Variants in TXNL4A observed in about 807,000 individuals in gnomAD.
TXNL4A encodes the protein thioredoxin like 4A.
A neutral mutation model predicts 14.6 loss-of-function variants in TXNL4A; 17 were observed. That is an observed-to-expected ratio of 1.16 (90% CI 0.80 to 1.74). The LOEUF (loss-of-function observed/expected upper bound fraction) is 1.74, where lower values mean the gene tolerates loss of function less well. Ranked by LOEUF, TXNL4A falls within the 40% of genes most tolerant of loss-of-function variation. The pLI is 0.00. For missense variants in TXNL4A, 74 were observed against 195.2 expected (o/e 0.38, Z 3.70); for synonymous variants, 83 against 70.6 (o/e 1.18, Z -0.88).
chr18:79,991,898 G>A (rs187629587), upstream of TXNL4A, among the ~76,000 whole-genome samples: 1 of 152,260 alleles, frequency 6.6e-6, no homozygotes, highest in Non-Finnish European at 1.5e-5. Flanking sequence ...CGAGGTGGTC[G>A]GGGCACAGCT....
chr18:80,000,754 A>G (rs951753542), intron 1 of TXNL4A, among the ~76,000 whole-genome samples: 2 of 152,114 alleles, frequency 1.3e-5, no homozygotes, highest in African/African-American at 4.8e-5. Context: ...CCTGGGTTCA[A>G]GCAATTCTCC....
intron 1 of TXNL4A, among the ~76,000 whole-genome samples, chr18:79,996,811 C>T (rs554943027): frequency 9.3e-4 from 141 of 152,242 alleles, no homozygotes; most frequent in Non-Finnish European, 1.9e-3. Context: ...GGCGTGGTAG[C>T]GCATGCCTGT....
intron 1 of TXNL4A, among the ~76,000 whole-genome samples, chr18:80,005,890 G>GT (rs1407935931): frequency 8.5e-5 from 13 of 152,118 alleles, no homozygotes; most frequent in African/African-American, 3.1e-4. Flanking sequence ...TCCAGCCTGG[G>GT]TGACAGAGCA....
At chr18:80,026,295 G>A (rs1371601906) in intron 1 of TXNL4A, among the ~76,000 whole-genome samples, 3 of 152,188 alleles carry the variant, frequency 2.0e-5, no homozygotes, top group African/African-American at 2.4e-5. Context: ...ATCAGCCCCA[G>A]ACAGGTTTTT....
chr18:80,023,245 T>C (rs1183703690), intron 1 of TXNL4A, among the ~76,000 whole-genome samples: 3 of 152,248 alleles, frequency 2.0e-5, no homozygotes, highest in Admixed American at 1.3e-4. Flanking sequence ...TTAGGATAGC[T>C]TCCTCCTGGC....
At chr18:80,022,579 C>T (rs1448624073) in intron 1 of TXNL4A, among the ~76,000 whole-genome samples, 1 of 152,164 alleles carries the variant, frequency 6.6e-6, no homozygotes, top group Non-Finnish European at 1.5e-5. Flanking sequence ...AGAATATACG[C>T]CACTTTCTCT....
At chr18:80,002,322 C>T (rs2051703394) in intron 1 of TXNL4A, among the ~76,000 whole-genome samples, 1 of 152,176 alleles carries the variant, frequency 6.6e-6, no homozygotes, top group South Asian at 2.1e-4. Context: ...TAGGTGCATG[C>T]TGATGAGAAT....
chr18:80,015,589 T>C (rs1167803651), intron 1 of TXNL4A, among the ~76,000 whole-genome samples: 2 of 150,848 alleles, frequency 1.3e-5, no homozygotes, highest in African/African-American at 4.9e-5. Context: ...TTAATTCCCA[T>C]CTATAAGTGA....
At chr18:79,988,710 T>G, upstream of TXNL4A, 1 of 199,794 alleles carries the variant, frequency 5.0e-6, no homozygotes, top group Non-Finnish European at 1.0e-5. Flanking sequence ...GGAGCGCCGT[T>G]GGTTCCGTCA....
chr18:80,000,608 C>G (rs2051692337), intron 1 of TXNL4A, among the ~76,000 whole-genome samples: 1 of 152,156 alleles, frequency 6.6e-6, no homozygotes, highest in South Asian at 2.1e-4. Flanking sequence ...AAATTCAAGA[C>G]AGTTGCAGAA....
chr18:80,021,368 G>A (rs372230849), intron 1 of TXNL4A, among the ~76,000 whole-genome samples: 9 of 152,082 alleles, frequency 5.9e-5, no homozygotes, highest in African/African-American at 1.9e-4. Flanking sequence ...TAGTGGAGAC[G>A]GGGTTTCACT....
chr18:79,977,603 G>A lies in TXNL4A; in HGVS notation c.252C>T (p.Phe84=), dbSNP rs755478919. The change falls in exon 2 of 3, where the codon TTC becomes TTT. Residue 84 remains phenylalanine, a synonymous_variant. Coordinates refer to ENST00000269601, the MANE Select transcript of TXNL4A (RefSeq NM_006701.5). Reference sequence around the variant, plus strand: ...ACAACTTTAAGATAACGTACCTGAAGAAAAACATGACAGTACATGGATCGT... The same window carrying A: ...ACAACTTTAAGATAACGTACCTGAAAAAAAACATGACAGTACATGGATCGT... ...ELYDPCTVMF[F]FRNKHIMIDL... 1.6e-5 allele frequency: 25 copies of A among 1,600,982 alleles called. No individual in the cohort carries two copies. Among genetic ancestry groups the A allele is most frequent in the African/African-American group, 2.7e-5 (2 of 74,022 alleles).
In TXNL4A at chr18:79,971,741, G is replaced by A. The variant is rs1469662036; in HGVS notation, c.*1944C>T. The A allele has an allele frequency of 1.3e-5, 2 of 152,174 alleles. No individual in the cohort carries two copies. Among genetic ancestry groups the A allele is most frequent in the Non-Finnish European group, 2.9e-5 (2 of 68,046 alleles). The allele number at this position is 152,174 out of a possible 1,614,324, so 9.4% of individuals were successfully genotyped here. ...TGCAAACGCTTGTTGCGATCTTTTT[G>A]TATCTAGCCGAACTTGTAGGTGTGA... On this transcript the variant is annotated 3_prime_UTR_variant, in exon 3 of 3. Coordinates refer to ENST00000269601, the MANE Select transcript of TXNL4A (RefSeq NM_006701.5).
chr18:79,984,168 A>G (rs1001746137), intron 1 of TXNL4A, among the ~76,000 whole-genome samples: 3 of 152,206 alleles, frequency 2.0e-5, no homozygotes, highest in African/African-American at 7.2e-5. Context: ...TTCCTCATCT[A>G]GCTGAGTGTT....
chr18:80,003,667 T>C (rs997807160), intron 1 of TXNL4A, among the ~76,000 whole-genome samples: 7 of 152,180 alleles, frequency 4.6e-5, no homozygotes, highest in African/African-American at 1.7e-4. Flanking sequence ...CATTATTTTA[T>C]TGGAGATGGT....
At chr18:80,025,138 T>TA (rs1462071896) in intron 1 of TXNL4A, among the ~76,000 whole-genome samples, 2 of 152,134 alleles carry the variant, frequency 1.3e-5, no homozygotes, top group Non-Finnish European at 2.9e-5. Flanking sequence ...AGAACCAGGA[T>TA]AAAAAATGCA....
chr18:79,971,320 C>T lies in TXNL4A; in HGVS notation c.*2365G>A, dbSNP rs1371717389. On this transcript the variant is annotated 3_prime_UTR_variant, in exon 3 of 3. Coordinates refer to ENST00000269601, the MANE Select transcript of TXNL4A (RefSeq NM_006701.5). ...GAAACTGCTGGGTCAAATGGTAACA[C>T]CATGTTTATCTTTTTTTATTTTTTT... 1 of 152,212 alleles carries T rather than the reference C, an allele frequency of 6.6e-6. No homozygotes were observed. Among genetic ancestry groups the T allele is most frequent in the Non-Finnish European group, 1.5e-5 (1 of 68,076 alleles). The allele number at this position is 152,212 out of a possible 1,614,324, so 9.4% of individuals were successfully genotyped here. A position where few individuals can be genotyped will look rare whatever the true frequency, so the allele number is the denominator to read the frequency against.
At chr18:79,997,947 G>A (rs181031689) in intron 1 of TXNL4A, among the ~76,000 whole-genome samples, 1 of 152,266 alleles carries the variant, frequency 6.6e-6, no homozygotes, top group East Asian at 1.9e-4. Context: ...CCCAATGCCT[G>A]TTACTAATAA....
At chr18:80,029,118 G>A (rs8092040) in intron 1 of TXNL4A, among the ~76,000 whole-genome samples, 70,533 of 151,950 alleles carry the variant, frequency 0.46, 17,142 homozygotes, top group East Asian at 0.75. Flanking sequence ...CTTTTCTCCC[G>A]AAACTGAAAT....
Sources: gnomAD v4.1 joint callset for allele counts (sites outside exome capture counted in the v4.1 genomes callset) on GRCh38, gnomAD v4.1.1 for gene constraint, MANE v1.5 for transcripts, NCBI Gene and HGNC (gene_info 2026-07-23, HGNC 2026-07-21) for gene names.